EP400: variants seen among roughly 807,000 people sequenced by gnomAD.
EP400 encodes the protein E1A-binding protein p400.
A neutral mutation model predicts 354.1 loss-of-function variants in EP400; 105 were observed. That is an observed-to-expected ratio of 0.30 (90% CI 0.25 to 0.35). The LOEUF is 0.35. Among genes scored for constraint, EP400 ranks in the 10% least tolerant of loss-of-function variants. The probability of loss-of-function intolerance (pLI) is 1.00; values close to 1 mark genes in which losing one functional copy is unlikely to be tolerated. For synonymous variants in EP400, 1,646 were observed against 1,716.9 expected (o/e 0.96, Z 1.02); for missense variants, 3,280 against 4,121.0 (o/e 0.80, Z 5.59).
In EP400 at chr12:132,018,346, G is replaced by A. The variant is rs753018675; in HGVS notation, c.4247G>A (p.Arg1416Gln). 29 of 1,609,366 alleles carry A rather than the reference G, an allele frequency of 1.8e-5. No individual in the cohort carries two copies. The highest frequency in any genetic ancestry group is 8.6e-5 in the Admixed American group (5 of 58,322). Residue 1416 changes from arginine to glutamine, a missense_variant, in exon 21 of 53, where the codon CGA becomes CAA. This residue lies in a region of EP400 where 342 missense variants were observed against 342.7 expected (regional missense o/e 1.00). Coordinates refer to ENST00000389561, the MANE Select transcript of EP400 (RefSeq NM_015409.5). This position sits in a 1 kb window ranked among gnomAD's most constrained non-coding sequence, Gnocchi z 4.0. ...EISTSAAPAA[R>Q]PAAAKLKASR... ...TCCACTTCAGCAGCCCCAGCAGCCC[G>A]ACCAGCAGCAGCAAAGCTGAAGGCC...
rs1049772646 is a variant in EP400 at position 131,960,532 on chromosome 12, A to G, written c.-35-53A>G. Reference sequence around the variant, plus strand: ...GTCTTTTCAGTGCTGTTAAGTGTCAATAAAACAGTTATGTGTGCCTTCAAG... The same window carrying G: ...GTCTTTTCAGTGCTGTTAAGTGTCAGTAAAACAGTTATGTGTGCCTTCAAG... On this transcript the variant is annotated intron_variant, in intron 1 of 52. Coordinates refer to ENST00000389561, the MANE Select transcript of EP400 (RefSeq NM_015409.5). 40 of 1,466,102 alleles carry G rather than the reference A, an allele frequency of 2.7e-5. 1 individual carries two copies. The Admixed American group carries it at 4.2e-4, about 16-fold the overall frequency. 90.8% of individuals were successfully genotyped at this position (1,466,102 alleles called of 1,614,324 possible). A position where few individuals can be genotyped will look rare whatever the true frequency, so the allele number is the denominator to read the frequency against.
chr12:132,079,306 C>T lies in EP400; in HGVS notation c.*1633C>T, dbSNP rs1341992905. ...GAAATTAATCTTTTAGTTAGTTGAA[C>T]ATACCAAAGCAGAGGACTGGAATCT... On this transcript the variant is annotated 3_prime_UTR_variant, in exon 53 of 53. Coordinates refer to ENST00000389561, the MANE Select transcript of EP400 (RefSeq NM_015409.5). 6.6e-6 allele frequency: 1 copy of T among 152,260 alleles called. No individual in the cohort carries two copies. The highest frequency in any genetic ancestry group is 1.5e-5 in the Non-Finnish European group (1 of 68,050). 9.4% of individuals were successfully genotyped at this position (152,260 alleles called of 1,614,324 possible).
chr12:132,009,329 T>G (rs1169211886), intron 15 of EP400, among the ~76,000 whole-genome samples: 2 of 152,186 alleles, frequency 1.3e-5, no homozygotes, highest in African/African-American at 4.8e-5. Flanking sequence ...CCTTACCTGA[T>G]GACTGTCACA....
rs143557820 is a variant in EP400 at position 132,040,928 on chromosome 12, G to A, written c.6208-2376G>A. Among the ~76,000 whole-genome samples, 73 of 152,274 alleles carry A rather than the reference G, an allele frequency of 4.8e-4. No homozygotes were observed. The East Asian group carries it at 0.012, about 25-fold the overall frequency. On this transcript the variant is annotated intron_variant, in intron 32 of 52. Transcript: ENST00000389561. ...TGTAGCAAGGCAAGGGGGATCCTGGGGACCAGTTAAGAGTCCCAGAGCAGT... is the reference window on the plus strand; with the variant it reads ...TGTAGCAAGGCAAGGGGGATCCTGGAGACCAGTTAAGAGTCCCAGAGCAGT...
intron 3 of EP400, among the ~76,000 whole-genome samples, chr12:131,980,426 G>C (rs1197036270): frequency 6.6e-6 from 1 of 152,188 alleles, no homozygotes; most frequent in Non-Finnish European, 1.5e-5. Context: ...GGGGATGGTT[G>C]GTTCTTTATC....
intron 14 of EP400, 120 bp downstream of exon 14, chr12:132,006,422 A>G: frequency 8.1e-7 from 1 of 1,236,992 alleles, no homozygotes; most frequent in Non-Finnish European, 1.1e-6. Flanking sequence ...CAGAGTTGTC[A>G]GAAAAAGCAA....
intron 5 of EP400, 30 bp from the exon 6 acceptor site, chr12:131,986,484 C>T (rs775862929): frequency 5.0e-5 from 78 of 1,558,518 alleles, no homozygotes; most frequent in Non-Finnish European, 6.8e-5. Context: ...CTTTTCTTCA[C>T]CTTGCTCCAC....
In EP400 at chr12:131,982,100, GC is replaced by G; in HGVS notation, c.1557del (p.Thr520ArgfsTer65). On this transcript the variant is annotated frameshift_variant, in exon 5 of 53. Transcript: ENST00000389561. LOFTEE classifies it high-confidence loss of function. The part of the protein sequence containing the change: ...QLMPTAQGGM[P>X]PTPQAAQLAG... ...ACTTTTCTTATTTTGCAGGAGGAAT[GC>G]CCCCCACGCCGCAGGCCGCGCAGCT... The G allele has an allele frequency of 2.7e-6, 4 of 1,508,862 alleles. No homozygotes were observed. The highest frequency in any genetic ancestry group is 1.8e-6 in the Non-Finnish European group (2 of 1,132,700). 93.5% of individuals were successfully genotyped at this position (1,508,862 alleles called of 1,614,324 possible). A position where few individuals can be genotyped will look rare whatever the true frequency, so the allele number is the denominator to read the frequency against.
intron 27 of EP400, among the ~76,000 whole-genome samples, chr12:132,028,618 A>G (rs1894385411): frequency 6.6e-6 from 1 of 152,226 alleles, no homozygotes; most frequent in Non-Finnish European, 1.5e-5. Flanking sequence ...TGATTGCATT[A>G]AAAGAGCCCC....
In EP400 at chr12:132,050,189, G is replaced by C; in HGVS notation, c.7201-134G>C. The C allele has an allele frequency of 9.0e-7, 1 of 1,109,284 alleles. No individual in the cohort carries two copies. Among genetic ancestry groups the C allele is most frequent in the Non-Finnish European group, 1.3e-6 (1 of 780,338 alleles). 68.7% of individuals were successfully genotyped at this position (1,109,284 alleles called of 1,614,324 possible). A position where few individuals can be genotyped will look rare whatever the true frequency, so the allele number is the denominator to read the frequency against. On this transcript the variant is annotated intron_variant, in intron 39 of 52. Transcript: ENST00000389561. This position sits in a 1 kb window ranked among gnomAD's most constrained non-coding sequence, Gnocchi z 4.8. ...GGGTTATGCCTGAACTTGGAAAGAA[G>C]GCCCAGGAAAAGGAAGTTTGTGTTC...
chr12:132,062,545 A>AACAGCAG lies in EP400; in HGVS notation c.8178_8179insACAGCAG (p.Gln2727ThrfsTer258). ...TCAGGCAGCAGCAGCAGCAGCAGCA[A>AACAGCAG]CAACAGCAGCAGCAGCAGCAGCAGC... On this transcript the variant is annotated frameshift_variant, in exon 47 of 53. Coordinates refer to ENST00000389561, the MANE Select transcript of EP400 (RefSeq NM_015409.5). LOFTEE classifies it high-confidence loss of function. 1 of 1,299,620 alleles carries AACAGCAG rather than the reference A, an allele frequency of 7.7e-7. No individual in the cohort carries two copies. 80.5% of individuals were successfully genotyped at this position (1,299,620 alleles called of 1,614,324 possible). A position where few individuals can be genotyped will look rare whatever the true frequency, so the allele number is the denominator to read the frequency against.
chr12:132,043,361 G>T lies in EP400; in HGVS notation c.6265G>T (p.Val2089Leu). ...TGCCCAGAAGTCCGCACAGGAGGGG[G>T]TGCTGGGACCACACACTGATGCTCT... Reference protein sequence around the residue: ...EDAQKSAQEGVLGPHTDALSS... With the variant: ...EDAQKSAQEGLLGPHTDALSS... Residue 2089 changes from valine (V) to leucine (L), a missense_variant, in exon 33 of 53, where the codon GTG becomes TTG. By Grantham distance (32) the Val-to-Leu change is conservative. Transcript: ENST00000389561. The T allele has an allele frequency of 1.2e-6, 2 of 1,614,092 alleles. No individual in the cohort carries two copies. Among genetic ancestry groups the T allele is most frequent in the South Asian group, 2.2e-5 (2 of 91,074 alleles).
Position 132,017,241 on chromosome 12 carries a change from G to T in EP400, c.3924-294G>T, listed in dbSNP as rs1029204465. ...GCCCCTCACTTTGCTCATCCCCCTT[G>T]GATGCCCCCACTTCTCTTTCAGAGC... On this transcript the variant is annotated intron_variant, in intron 19 of 52. Transcript: ENST00000389561. This position sits in a 1 kb window ranked among gnomAD's most constrained non-coding sequence, Gnocchi z 5.0. Among the ~76,000 whole-genome samples, 1 of 152,204 alleles carries T rather than the reference G, an allele frequency of 6.6e-6. No homozygotes were observed. Among genetic ancestry groups the T allele is most frequent in the Non-Finnish European group, 1.5e-5 (1 of 68,034 alleles).
rs1411917132 is a variant in EP400, at chr12:132,023,771, C to T, written c.4691-6C>T. The stretch of plus-strand genomic sequence containing the variant: ...TGAATTCACCTTTTCCTCTACGTTT[C>T]AACAGGTGGAGAGGTAGTGAAAATA... On this transcript the variant is annotated splice_region_variant and splice_polypyrimidine_tract_variant and intron_variant, in intron 23 of 52. Transcript: ENST00000389561. The T allele has an allele frequency of 6.2e-7, 1 of 1,610,968 alleles. No individual in the cohort carries two copies. The highest frequency in any genetic ancestry group is 1.7e-5 in the Admixed American group (1 of 59,128).
Position 132,011,528 on chromosome 12 carries a change from G to A in EP400, c.3335G>A (p.Arg1112Lys). ...TGGGGCCCCCATCTTGTTGTTGTGAGAAGTTGTAACATACTCAAGTGGGAG... is the reference window on the plus strand; with the variant it reads ...TGGGGCCCCCATCTTGTTGTTGTGAAAAGTTGTAACATACTCAAGTGGGAG... ...GNWGPHLVVV[R>K]SCNILKWELE... The change falls in exon 16 of 53, where the codon AGA becomes AAA. Residue 1112 changes from arginine to lysine, a missense_variant. Transcript: ENST00000389561. 6.2e-7 allele frequency: 1 copy of A among 1,613,774 alleles called. No homozygotes were observed. The highest frequency in any genetic ancestry group is 8.5e-7 in the Non-Finnish European group (1 of 1,179,964).
intron 15 of EP400, 38 bp from the exon 16 acceptor site, chr12:132,011,460 A>G (rs1407092860): frequency 1.2e-6 from 2 of 1,611,074 alleles, no homozygotes; most frequent in African/African-American, 2.7e-5. Flanking sequence ...GACATGACAG[A>G]TACTTTGACG....
In EP400 at chr12:132,045,915, G is replaced by C. The variant is rs768731968; in HGVS notation, c.7200+15G>C. On this transcript the variant is annotated intron_variant, in intron 39 of 52. Transcript: ENST00000389561. ...AGGAGGGGAAGGTAAGCACGGTCTC[G>C]TTTGTCCTTCGAGGAGAGCACAGGC... The C allele has an allele frequency of 6.2e-7, 1 of 1,613,532 alleles. No individual in the cohort carries two copies. The highest frequency in any genetic ancestry group is 1.3e-5 in the African/African-American group (1 of 74,928).
chr12:132,033,346 G>A (rs546420378), intron 30 of EP400, among the ~76,000 whole-genome samples: 9 of 152,176 alleles, frequency 5.9e-5, no homozygotes, highest in Non-Finnish European at 1.3e-4. Flanking sequence ...AGTGCTTACT[G>A]TTACAGTGTA....
At position 132,027,535 on chromosome 12, in the gene EP400, A is replaced by C; in HGVS notation, c.5109+4A>C. On this transcript the variant is annotated splice_donor_region_variant and intron_variant, in intron 26 of 52. Coordinates refer to ENST00000389561, the MANE Select transcript of EP400 (RefSeq NM_015409.5). The surrounding 1 kb of genome is among the most constrained non-coding windows in gnomAD (Gnocchi z 4.9). ...TCCCATTGGAGGGCCGACCCAGGTA[A>C]GCACCTGAGCTTGAGACCCCGGTGC... 6.2e-7 allele frequency: 1 copy of C among 1,607,310 alleles called. No homozygotes were observed. The highest frequency in any genetic ancestry group is 8.5e-7 in the Non-Finnish European group (1 of 1,176,040).
Sources: gnomAD v4.1 joint callset for allele counts (sites outside exome capture counted in the v4.1 genomes callset) on GRCh38, gnomAD v4.1.1 for gene constraint, gnomAD v4.1.1 regional missense constraint, Gnocchi (gnomAD v3.1) non-coding constraint, MANE v1.5 for transcripts, NCBI Gene and HGNC (gene_info 2026-07-23, HGNC 2026-07-21) for gene names.